The following ADAM32 variants were observed in gnomAD, a reference collection of about 807,000 sequenced individuals.
ADAM32 encodes the protein disintegrin and metalloproteinase domain-containing protein 32.
ADAM32 carries 89 observed loss-of-function variants against 114.9 expected under a neutral mutation model. The observed-to-expected ratio is 0.77, with a 90% CI of 0.65 to 0.92. The LOEUF (loss-of-function observed/expected upper bound fraction) is 0.92. Among genes scored for constraint, ADAM32 ranks in the 40% least tolerant of loss-of-function variants. The pLI is 0.00. For missense variants in ADAM32, 870 were observed against 932.8 expected (o/e 0.93, Z 0.88); for synonymous variants, 285 against 307.5 (o/e 0.93, Z 0.77).
At chr8:39,202,425 A>G (rs1273372176) in intron 11 of ADAM32, among the ~76,000 whole-genome samples, 7 of 152,150 alleles carry the variant, frequency 4.6e-5, no homozygotes, top group East Asian at 1.9e-4. Context: ...AGAGGTGTTT[A>G]TAGTATTCTC....
At chr8:39,113,360 A>G (rs948167926) in intron 1 of ADAM32, among the ~76,000 whole-genome samples, 16 of 150,394 alleles carry the variant, frequency 1.1e-4, no homozygotes, top group African/African-American at 3.5e-4. Context: ...AGTGCCATCT[A>G]TATCTTGAAC....
At chr8:39,194,994 C>T (rs1243684425) in intron 11 of ADAM32, among the ~76,000 whole-genome samples, 2 of 152,186 alleles carry the variant, frequency 1.3e-5, no homozygotes, top group South Asian at 2.1e-4. Flanking sequence ...ATTCCAGGGG[C>T]CTGTGGTGAG....
At chr8:39,166,604 G>A (rs898849535) in intron 9 of ADAM32, 1 of 152,150 alleles carries the variant, frequency 6.6e-6, no homozygotes, top group Non-Finnish European at 1.5e-5. Flanking sequence ...GATCTTTAAG[G>A]AATCTTCACA....
intron 14 of ADAM32, 35 bp downstream of exon 14, chr8:39,223,273 A>AG (rs1320113691): frequency 7.1e-7 from 1 of 1,403,714 alleles, no homozygotes; most frequent in East Asian, 2.6e-5. Context: ...ATAGCCCTTA[A>AG]CATTGTTATT....
chr8:39,180,675 G>T (rs1197084779), intron 10 of ADAM32, among the ~76,000 whole-genome samples: 1 of 152,194 alleles, frequency 6.6e-6, no homozygotes, highest in Non-Finnish European at 1.5e-5. Flanking sequence ...TCTAGCTCAA[G>T]GTTTGTAAAC....
In ADAM32 at chr8:39,136,691, A is replaced by C. The variant is rs1802824925; in HGVS notation, c.173A>C (p.Lys58Thr). ...QISYIIPIDE[K>T]LYTVHLKQRY... is the part of the protein sequence containing the mutation. ...TCCTATATTATTCCAATAGATGAGA[A>C]ACTGTACACTGTGCACCTTAAACAA... The change falls in exon 3 of 25, where the codon AAA becomes ACA. Residue 58 changes from lysine (K) to threonine (T), a missense_variant. Transcript: ENST00000379907. 6.5e-7 allele frequency: 1 copy of C among 1,545,758 alleles called. No homozygotes were observed. Among genetic ancestry groups the C allele is most frequent in the Non-Finnish European group, 8.7e-7 (1 of 1,145,190 alleles).
At chr8:39,278,585 C>T (rs1384124855) in intron 22 of ADAM32, among the ~76,000 whole-genome samples, 1 of 151,950 alleles carries the variant, frequency 6.6e-6, no homozygotes, top group Non-Finnish European at 1.5e-5. Flanking sequence ...ATATTATTGT[C>T]ATTTGGCTTT....
chr8:39,251,077 T>G (rs1167536013), intron 17 of ADAM32, among the ~76,000 whole-genome samples: 1 of 151,992 alleles, frequency 6.6e-6, no homozygotes, highest in African/African-American at 2.4e-5. Flanking sequence ...CATCTATTCA[T>G]GGACGCTTAC....
intron 2 of ADAM32, among the ~76,000 whole-genome samples, chr8:39,123,584 G>T (rs373338410): frequency 1.3e-5 from 2 of 151,952 alleles, no homozygotes; most frequent in Non-Finnish European, 2.9e-5. Context: ...AATATGTATC[G>T]ATTAATTTGG....
chr8:39,145,428 A>G (rs868767178), intron 3 of ADAM32, among the ~76,000 whole-genome samples: 2 of 152,220 alleles, frequency 1.3e-5, no homozygotes, highest in Admixed American at 6.5e-5. Context: ...ACCTTTTTAT[A>G]TAAGTAGTAA....
At position 39,179,086 on chromosome 8, in the gene ADAM32, C is replaced by T. The variant is rs1285558078; in HGVS notation, c.916-7823C>T. 5.9e-5 allele frequency among the ~76,000 whole-genome samples: 9 copies of T among 152,154 alleles called. 1 individual carries two copies. The highest frequency in any genetic ancestry group is 5.9e-4 in the Admixed American group (9 of 15,280). Reference sequence around the variant, plus strand: ...CTGTGTTTGGGGGAGCCCTCCTCATCGAGACCACCCAGACTCTCTAGAGCC... The same window carrying T: ...CTGTGTTTGGGGGAGCCCTCCTCATTGAGACCACCCAGACTCTCTAGAGCC... On this transcript the variant is annotated intron_variant, in intron 10 of 24. Transcript: ENST00000379907.
chr8:39,202,096 G>T (rs1408345998), intron 11 of ADAM32, among the ~76,000 whole-genome samples: 1 of 152,002 alleles, frequency 6.6e-6, no homozygotes, highest in Non-Finnish European at 1.5e-5. Context: ...CTCTTTTTTT[G>T]TTGTATCTCT....
At chr8:39,118,526 C>T (rs771094246) in intron 2 of ADAM32, among the ~76,000 whole-genome samples, 2 of 152,118 alleles carry the variant, frequency 1.3e-5, no homozygotes, top group Non-Finnish European at 2.9e-5. Context: ...TCCACCCCTA[C>T]ACCTAGCAAT....
intron 10 of ADAM32, among the ~76,000 whole-genome samples, chr8:39,172,262 AT>A (rs746930464): frequency 1.0e-4 from 15 of 149,652 alleles, no homozygotes; most frequent in East Asian, 5.8e-4. Flanking sequence ...ATAACTCTTG[AT>A]TTTTTTTTTA....
At chr8:39,210,761 G>A (rs1179147951) in intron 11 of ADAM32, among the ~76,000 whole-genome samples, 2 of 152,036 alleles carry the variant, frequency 1.3e-5, no homozygotes, top group Non-Finnish European at 2.9e-5. Flanking sequence ...GAGATCTTCA[G>A]GACTAAGCAC....
intron 10 of ADAM32, among the ~76,000 whole-genome samples, chr8:39,174,422 C>T (rs1805384379): frequency 6.6e-6 from 1 of 151,500 alleles, no homozygotes; most frequent in Non-Finnish European, 1.5e-5. Flanking sequence ...GTTCTTTTCT[C>T]TTAGGATGGT....
intron 2 of ADAM32, among the ~76,000 whole-genome samples, chr8:39,133,668 G>A (rs75564218): frequency 2.6e-5 from 4 of 152,240 alleles, no homozygotes; most frequent in African/African-American, 7.2e-5. Flanking sequence ...GGTGCATGTG[G>A]GTGGGCACTG....
chr8:39,268,114 C>T (rs1812480840), intron 19 of ADAM32, among the ~76,000 whole-genome samples: 2 of 152,136 alleles, frequency 1.3e-5, no homozygotes, highest in Admixed American at 1.3e-4. Context: ...GGTTAATACC[C>T]AGGAATAGAA....
chr8:39,115,973 G>A (rs1034969640), intron 1 of ADAM32, among the ~76,000 whole-genome samples: 3 of 152,178 alleles, frequency 2.0e-5, no homozygotes, highest in Non-Finnish European at 4.4e-5. Context: ...AGTTATCCCG[G>A]CACCATTTAT....
Sources: gnomAD v4.1 joint callset for allele counts (sites outside exome capture counted in the v4.1 genomes callset) on GRCh38, gnomAD v4.1.1 for gene constraint, MANE v1.5 for transcripts, NCBI Gene and HGNC (gene_info 2026-07-23, HGNC 2026-07-21) for gene names.